The following KDM4C variants were observed in gnomAD, a reference collection of about 807,000 sequenced individuals.
KDM4C encodes the protein lysine-specific demethylase 4C.
A neutral mutation model predicts 129.3 loss-of-function variants in KDM4C; 81 were observed. The observed-to-expected ratio is 0.63, with a 90% CI of 0.52 to 0.75. KDM4C has a LOEUF of 0.75. Among genes scored for constraint, KDM4C ranks in the 30% least tolerant of loss-of-function variants. KDM4C has a pLI of 0.00. For missense variants in KDM4C, 1,457 were observed against 1,304.0 expected, an observed-to-expected ratio of 1.12 and a Z score of -1.81; for synonymous variants, 573 against 456.1, an observed-to-expected ratio of 1.26 and a Z score of -3.26.
chr9:6,888,346 A>C (rs1845591188), intron 7 of KDM4C, among the ~76,000 whole-genome samples: 1 of 152,200 alleles, frequency 6.6e-6, no homozygotes, highest in Non-Finnish European at 1.5e-5. Flanking sequence ...TCTATATTAA[A>C]ATCTTTTTTA....
At chr9:7,125,857 A>G (rs1296404583) in intron 18 of KDM4C, among the ~76,000 whole-genome samples, 1 of 152,154 alleles carries the variant, frequency 6.6e-6, no homozygotes, top group Non-Finnish European at 1.5e-5. Context: ...CATGACATCA[A>G]ACAAATCAGA....
chr9:6,824,031 G>T (rs1318918371), intron 4 of KDM4C, among the ~76,000 whole-genome samples: 2 of 152,166 alleles, frequency 1.3e-5, no homozygotes, highest in Non-Finnish European at 2.9e-5. Flanking sequence ...ATACAACTTA[G>T]CTGCAGACTA....
chr9:6,986,730 C>G (rs913024942), intron 11 of KDM4C, 64 bp downstream of exon 11: 1 of 1,189,130 alleles, frequency 8.4e-7, no homozygotes, highest in Admixed American at 2.6e-5. Context: ...TTGAAAACAA[C>G]ATGCTGTGCA....
intron 17 of KDM4C, among the ~76,000 whole-genome samples, chr9:7,081,307 C>T (rs1248318544): frequency 6.6e-6 from 1 of 152,206 alleles, no homozygotes; most frequent in Non-Finnish European, 1.5e-5. Flanking sequence ...TGAAGAATAA[C>T]TAGGTGCCTA....
In KDM4C at chr9:7,077,114, C is replaced by T. The variant is rs187395824; in HGVS notation, c.2425-26571C>T. The T allele has an allele frequency of 1.7e-3, 1,631 of 985,344 alleles. 1 individual carries two copies. Among genetic ancestry groups the T allele is most frequent in the Non-Finnish European group, 1.9e-3 (1,572 of 829,926 alleles). The allele number at this position is 985,344 out of a possible 1,614,324, so 61.0% of individuals were successfully genotyped here. ...GTTCTATCTGGGTGATATATGCTAT[C>T]GAAACAGATGTGGACACTGGGCTGA... is the stretch of plus-strand genomic sequence containing the variant. On this transcript the variant is annotated intron_variant, in intron 17 of 21. Transcript: ENST00000381309.
intron 12 of KDM4C, among the ~76,000 whole-genome samples, chr9:7,011,019 G>A (rs1022457671): frequency 5.3e-5 from 8 of 151,984 alleles, no homozygotes; most frequent in African/African-American, 1.9e-4. Context: ...ACTCCAGCCT[G>A]GGCACGAAGA....
At chr9:7,016,360 C>T (rs1169834248) in intron 15 of KDM4C, among the ~76,000 whole-genome samples, 2 of 150,092 alleles carry the variant, frequency 1.3e-5, no homozygotes, top group African/African-American at 2.5e-5. Flanking sequence ...ATCTCCTGAC[C>T]TTGTGATCTG....
At chr9:7,072,285 C>G (rs1458562002) in intron 17 of KDM4C, among the ~76,000 whole-genome samples, 1 of 152,146 alleles carries the variant, frequency 6.6e-6, no homozygotes, top group African/African-American at 2.4e-5. Context: ...GCATACCATC[C>G]AGCAATCCCA....
chr9:6,810,724 A>G (rs1418481935), intron 3 of KDM4C, among the ~76,000 whole-genome samples: 1 of 152,036 alleles, frequency 6.6e-6, no homozygotes, highest in Non-Finnish European at 1.5e-5. Flanking sequence ...ATAAAAAATT[A>G]GCCATGCATG....
chr9:7,076,349 C>G (rs532653951), intron 17 of KDM4C: 1 of 917,718 alleles, frequency 1.1e-6, no homozygotes, highest in East Asian at 2.6e-5. Context: ...ATTAGTTTGT[C>G]TCATGCTAAA....
intron 5 of KDM4C, 100 bp downstream of exon 5, chr9:6,849,800 A>T: frequency 1.1e-6 from 1 of 945,408 alleles, no homozygotes; most frequent in African/African-American, 1.6e-5. Flanking sequence ...GTGGATTCAG[A>T]TTTATGTGAG....
chr9:6,945,152 A>C (rs1357957795), intron 8 of KDM4C, among the ~76,000 whole-genome samples: 2 of 152,122 alleles, frequency 1.3e-5, no homozygotes, highest in Admixed American at 6.5e-5. Context: ...ACACATACTC[A>C]CGAAAATGCT....
At chr9:7,059,399 A>G (rs1415056581) in intron 17 of KDM4C, among the ~76,000 whole-genome samples, 1 of 152,204 alleles carries the variant, frequency 6.6e-6, no homozygotes, top group African/African-American at 2.4e-5. Context: ...CACCGCGCCT[A>G]GCCCTCGAGA....
In KDM4C at chr9:7,128,075, G is replaced by T. The variant is rs759782309; in HGVS notation, c.2620G>T (p.Ala874Ser). The part of the protein sequence containing the change: ...HKVNPNVKSK[A>S]CEKVISVGQT... The stretch of plus-strand genomic sequence containing the variant: ...GTGTCCCTTCTTTTAGAAGTCCAAG[G>T]CTTGCGAGAAGGTCATTTCCGTGGG... The change falls in exon 19 of 22, where the codon GCT becomes TCT. Residue 874 changes from alanine to serine, a missense_variant. Transcript: ENST00000381309. 2 of 1,564,786 alleles carry T rather than the reference G, an allele frequency of 1.3e-6. No homozygotes were observed. Among genetic ancestry groups the T allele is most frequent in the South Asian group, 1.2e-5 (1 of 81,718 alleles).
chr9:6,931,755 T>C (rs62533772), intron 8 of KDM4C, among the ~76,000 whole-genome samples: 38,348 of 151,976 alleles, frequency 0.25, 5,314 homozygotes, highest in South Asian at 0.39. Flanking sequence ...CCCGCCTTAG[T>C]CTCCCAAAGT....
intron 8 of KDM4C, among the ~76,000 whole-genome samples, chr9:6,940,864 AG>A (rs1456707988): frequency 2.0e-5 from 3 of 151,450 alleles, no homozygotes; most frequent in African/African-American, 7.3e-5. Context: ...TCTAATATAC[AG>A]CATCTATAAG....
chr9:6,841,475 C>T (rs1386463395), intron 4 of KDM4C, among the ~76,000 whole-genome samples: 1 of 152,100 alleles, frequency 6.6e-6, no homozygotes, highest in East Asian at 1.9e-4. Context: ...GACTTTTCCT[C>T]TTCTATTATA....
intron 1 of KDM4C, among the ~76,000 whole-genome samples, chr9:6,735,237 C>G (rs1817490869): frequency 6.6e-6 from 1 of 152,066 alleles, no homozygotes; most frequent in Non-Finnish European, 1.5e-5. Flanking sequence ...GCATTATCAC[C>G]TGACCTCTTT....
intron 2 of KDM4C, among the ~76,000 whole-genome samples, chr9:6,797,426 T>C (rs933170045): frequency 5.3e-5 from 8 of 152,352 alleles, no homozygotes; most frequent in African/African-American, 1.9e-4. Context: ...TTTTTTAGAT[T>C]CATGCTTTAA....
Sources: gnomAD v4.1 joint callset for allele counts (sites outside exome capture counted in the v4.1 genomes callset) on GRCh38, gnomAD v4.1.1 for gene constraint, MANE v1.5 for transcripts, NCBI Gene and HGNC (gene_info 2026-07-23, HGNC 2026-07-21) for gene names.